Variants in MGAT4C observed in about 807,000 individuals in gnomAD.
The protein encoded by MGAT4C is alpha-1,3-mannosyl-glycoprotein 4-beta-N-acetylglucosaminyltransferase C.
A neutral mutation model predicts 40.1 loss-of-function variants in MGAT4C; 19 were observed. The ratio of observed to expected loss-of-function variants is 0.47; its 90% confidence interval spans 0.33 to 0.70. MGAT4C has a LOEUF of 0.70. Ranked by LOEUF, MGAT4C falls within the 30% of genes least tolerant of loss-of-function variation. The pLI is 0.02. For missense variants in MGAT4C, 491 were observed against 563.2 expected (o/e 0.87, Z 1.30); for synonymous variants, 181 against 187.1 (o/e 0.97, Z 0.27).
chr12:86,807,337 T>C (rs1421789032), intron 1 of MGAT4C, among the ~76,000 whole-genome samples: 2 of 152,082 alleles, frequency 1.3e-5, no homozygotes, highest in African/African-American at 4.8e-5. Context: ...CCATGTGTTC[T>C]CATTGTTTAG....
intron 3 of MGAT4C, among the ~76,000 whole-genome samples, chr12:86,423,057 T>C (rs1424040582): frequency 6.6e-6 from 1 of 152,166 alleles, no homozygotes. Context: ...ACAAAAGAGA[T>C]GCAAGTAGAA....
At chr12:86,426,713 C>T (rs1198542918) in intron 3 of MGAT4C, among the ~76,000 whole-genome samples, 2 of 151,986 alleles carry the variant, frequency 1.3e-5, no homozygotes, top group Admixed American at 6.6e-5. Context: ...TTTGGGAGGC[C>T]GAGGAGGGCG....
chr12:86,337,232 T>G (rs1411770756), intron 3 of MGAT4C, among the ~76,000 whole-genome samples: 1 of 152,048 alleles, frequency 6.6e-6, no homozygotes, highest in Non-Finnish European at 1.5e-5. Flanking sequence ...AAAACAGAAA[T>G]TGCTGGAGTG....
At chr12:86,021,760 C>T (rs1178005273) in intron 2 of MGAT4C, among the ~76,000 whole-genome samples, 4 of 151,978 alleles carry the variant, frequency 2.6e-5, no homozygotes, top group Non-Finnish European at 4.4e-5. Context: ...AGACATAATA[C>T]ATAAGATGAT....
Position 86,066,686 on chromosome 12 carries a change from C to A in MGAT4C, c.-56-16963G>T, listed in dbSNP as rs377098256. ...ATGACTAAAACACCAAAAGAAATGG[C>A]AACAAAAGTCAAAATTGACAAACGG... On this transcript the variant is annotated intron_variant, in intron 1 of 4. Transcript: ENST00000611864. 2.0e-5 allele frequency among the ~76,000 whole-genome samples: 3 copies of A among 152,202 alleles called. No individual in the cohort carries two copies. The East Asian group carries it at 5.8e-4, about 29-fold the overall frequency.
At chr12:86,717,811 G>A (rs763029093) in intron 2 of MGAT4C, among the ~76,000 whole-genome samples, 2 of 152,096 alleles carry the variant, frequency 1.3e-5, no homozygotes, top group African/African-American at 2.4e-5. Flanking sequence ...ATATTTTGAT[G>A]ATTTTGCAGT....
intron 2 of MGAT4C, among the ~76,000 whole-genome samples, chr12:86,603,793 G>C (rs1266435976): frequency 4.1e-5 from 1 of 24,634 alleles, no homozygotes; most frequent in Admixed American, 9.2e-4. Flanking sequence ...ATAATATATA[G>C]TATATATATT....
intron 1 of MGAT4C, among the ~76,000 whole-genome samples, chr12:86,095,636 C>CTT (rs11332636): frequency 6.9e-6 from 1 of 144,372 alleles, no homozygotes; most frequent in Non-Finnish European, 1.5e-5. Context: ...GGACTATTTT[C>CTT]TTTTTTTTTT....
intron 1 of MGAT4C, among the ~76,000 whole-genome samples, chr12:86,759,534 C>T (rs1238397388): frequency 2.0e-5 from 3 of 152,030 alleles, no homozygotes; most frequent in African/African-American, 7.2e-5. Context: ...TCTCCACATC[C>T]TTACTAACAC....
intron 1 of MGAT4C, among the ~76,000 whole-genome samples, chr12:86,760,752 C>T (rs559071544): frequency 6.6e-6 from 1 of 152,236 alleles, no homozygotes; most frequent in East Asian, 1.9e-4. Flanking sequence ...AAAGACTTTG[C>T]TGAGAGTACT....
chr12:86,295,021 C>G (rs1435059021), intron 4 of MGAT4C, among the ~76,000 whole-genome samples: 1 of 152,132 alleles, frequency 6.6e-6, no homozygotes, highest in Non-Finnish European at 1.5e-5. Context: ...GACTTCCAAT[C>G]AAGTCATCAC....
chr12:86,594,606 G>T (rs1483151906), intron 2 of MGAT4C, among the ~76,000 whole-genome samples: 1 of 152,156 alleles, frequency 6.6e-6, no homozygotes, highest in Non-Finnish European at 1.5e-5. Flanking sequence ...TACCGTTCAA[G>T]GAGAGAAATT....
At chr12:86,822,878 A>G (rs2136228248) in intron 1 of MGAT4C, among the ~76,000 whole-genome samples, 1 of 151,370 alleles carries the variant, frequency 6.6e-6, no homozygotes, top group Middle Eastern at 3.4e-3. Flanking sequence ...ACCAGTGCAC[A>G]TAGAATTTTT....
intron 1 of MGAT4C, among the ~76,000 whole-genome samples, chr12:86,086,153 A>C (rs1169819654): frequency 6.6e-6 from 1 of 152,160 alleles, no homozygotes; most frequent in East Asian, 1.9e-4. Context: ...ATGCCCATCA[A>C]TGTTAGACTG....
chr12:86,518,729 A>T (rs553614308), intron 2 of MGAT4C, among the ~76,000 whole-genome samples: 1 of 152,316 alleles, frequency 6.6e-6, no homozygotes, highest in East Asian at 1.9e-4. Context: ...AAAGACTTGC[A>T]CACTACTACT....
intron 2 of MGAT4C, among the ~76,000 whole-genome samples, chr12:86,556,157 C>T (rs540308410): frequency 6.6e-6 from 1 of 151,972 alleles, no homozygotes; most frequent in South Asian, 2.1e-4. Flanking sequence ...AACCACTTAG[C>T]GAGACTTGAG....
chr12:86,493,016 C>T (rs1753183922), intron 2 of MGAT4C, among the ~76,000 whole-genome samples: 1 of 151,196 alleles, frequency 6.6e-6, no homozygotes, highest in East Asian at 1.9e-4. Context: ...CAAAAGAAGA[C>T]ATTTATGCAG....
Position 85,983,567 on chromosome 12 carries a change from T to G in MGAT4C, c.251A>C (p.Asn84Thr). 6.3e-7 allele frequency: 1 copy of G among 1,599,888 alleles called. No homozygotes were observed. The highest frequency in any genetic ancestry group is 8.5e-7 in the Non-Finnish European group (1 of 1,173,738). The change falls in exon 4 of 5, where the codon AAT (asparagine) becomes ACT (threonine). Residue 84 changes from asparagine (N) to threonine (T), a missense_variant. Asn to Thr is a moderately conservative substitution (Grantham distance 65). Coordinates refer to ENST00000611864, the MANE Select transcript of MGAT4C (RefSeq NM_001351288.2). The part of the protein sequence containing the change: ...KDLSNFSGAI[N>T]VTYRYLAATP... ...GGCAGCTAGGTAGCGATAGGTGACA[T>G]TTATGGCTCCTGAGAAATTAGATAA...
intron 1 of MGAT4C, among the ~76,000 whole-genome samples, chr12:86,810,579 G>C (rs1321372428): frequency 3.3e-5 from 5 of 151,458 alleles, no homozygotes; most frequent in Non-Finnish European, 7.4e-5. Context: ...TGTGTCAATG[G>C]ATATGATCAA....
Sources: gnomAD v4.1 joint callset for allele counts (sites outside exome capture counted in the v4.1 genomes callset) on GRCh38, gnomAD v4.1.1 for gene constraint, MANE v1.5 for transcripts, NCBI Gene and HGNC (gene_info 2026-07-23, HGNC 2026-07-21) for gene names.